Variants in FER observed in about 807,000 individuals in gnomAD.
FER encodes FER tyrosine kinase, also known as tyrosine-protein kinase Fer.
A neutral mutation model predicts 111.0 loss-of-function variants in FER; 63 were observed. That is an observed-to-expected ratio of 0.57 (90% CI 0.46 to 0.70). The LOEUF (loss-of-function observed/expected upper bound fraction) is 0.70, where lower values mean the gene tolerates loss of function less well. Ranked by LOEUF, FER falls within the 30% of genes least tolerant of loss-of-function variation. The probability of loss-of-function intolerance (pLI) is 0.00; values close to 1 mark genes in which losing one functional copy is unlikely to be tolerated. For synonymous variants in FER, 327 were observed against 313.9 expected (o/e 1.04, Z -0.44); for missense variants, 914 against 954.0 (o/e 0.96, Z 0.55).
intron 13 of FER, among the ~76,000 whole-genome samples, chr5:109,003,768 C>G (rs928728997): frequency 1.1e-4 from 16 of 151,962 alleles, no homozygotes; most frequent in African/African-American, 2.9e-4. Context: ...TTGCTTGGAC[C>G]TAGAATTTCA....
At chr5:108,842,845 T>C (rs1244404627) in intron 5 of FER, 1 of 152,174 alleles carries the variant, frequency 6.6e-6, no homozygotes, top group Non-Finnish European at 1.5e-5. Context: ...AGAGTGGAGA[T>C]TCCTTTAAGA....
intron 10 of FER, among the ~76,000 whole-genome samples, chr5:108,930,891 C>G (rs72793920): frequency 0.12 from 18,949 of 151,686 alleles, 1,243 homozygotes; most frequent in Middle Eastern, 0.17. Flanking sequence ...TGAGATCACA[C>G]GCGTGAGCCA....
Position 108,835,582 on chromosome 5 carries a change from A to G in FER, c.382-126A>G, listed in dbSNP as rs147504438. On this transcript the variant is annotated intron_variant, in intron 4 of 19. Transcript: ENST00000281092. ...CTTGTAGTTTATTTTCTATAGTTGT[A>G]TATTAAAGGACAACTCTGACCTGTA... 2.9e-3 allele frequency: 1,469 copies of G among 514,658 alleles called. 20 individuals are homozygous for G. Among genetic ancestry groups the G allele is most frequent in the African/African-American group, 0.026 (1,291 of 49,476 alleles). The allele number at this position is 514,658 out of a possible 1,614,324, so 31.9% of individuals were successfully genotyped here. A position where few individuals can be genotyped will look rare whatever the true frequency, so the allele number is the denominator to read the frequency against.
intron 13 of FER, among the ~76,000 whole-genome samples, chr5:108,991,990 G>A (rs1231298342): frequency 1.3e-5 from 2 of 152,068 alleles, no homozygotes; most frequent in African/African-American, 4.8e-5. Context: ...AGTGAACAAA[G>A]GTCTCTGGTT....
At chr5:109,091,987 C>T (rs1207309941) in intron 16 of FER, among the ~76,000 whole-genome samples, 1 of 151,684 alleles carries the variant, frequency 6.6e-6, no homozygotes, top group African/African-American at 2.4e-5. Flanking sequence ...TCCTTTTTTG[C>T]CCTTCTATCC....
chr5:109,112,782 A>T (rs1749779031), intron 17 of FER, among the ~76,000 whole-genome samples: 1 of 152,242 alleles, frequency 6.6e-6, no homozygotes, highest in South Asian at 2.1e-4. Context: ...AACATTTGAA[A>T]ACTGCTTAAA....
intron 5 of FER, among the ~76,000 whole-genome samples, chr5:108,852,486 G>A (rs72791993): frequency 0.019 from 2,900 of 152,080 alleles, 54 homozygotes; most frequent in Non-Finnish European, 0.027. Context: ...TTCAATATCT[G>A]TATATTTTGG....
intron 5 of FER, among the ~76,000 whole-genome samples, chr5:108,866,311 C>A (rs1023492112): frequency 2.0e-5 from 3 of 152,162 alleles, no homozygotes; most frequent in Admixed American, 1.3e-4. Flanking sequence ...TGGAAACCAT[C>A]ATTCTCAGCA....
At position 108,835,675 on chromosome 5, in the gene FER, T is replaced by A. The variant is rs372296312; in HGVS notation, c.382-33T>A. 4.5e-6 allele frequency: 6 copies of A among 1,346,272 alleles called. No homozygotes were observed. In the African/African-American group the frequency reaches 8.9e-5, roughly 20 times the overall value. 83.4% of individuals were successfully genotyped at this position (1,346,272 alleles called of 1,614,324 possible). A position where few individuals can be genotyped will look rare whatever the true frequency, so the allele number is the denominator to read the frequency against. ...CTTGAGCAATTTAAATTTAAACAAT[T>A]TAATACATTTATGCATTTTGTTTCT... On this transcript the variant is annotated intron_variant, in intron 4 of 19. Coordinates refer to ENST00000281092, the MANE Select transcript of FER (RefSeq NM_005246.4).
At chr5:109,156,436 A>G (rs2126715860) in intron 17 of FER, among the ~76,000 whole-genome samples, 1 of 152,194 alleles carries the variant, frequency 6.6e-6, no homozygotes, top group South Asian at 2.1e-4. Context: ...AATTTTAGGT[A>G]GCTGTAGGAT....
intron 17 of FER, among the ~76,000 whole-genome samples, chr5:109,177,016 A>G: frequency 6.6e-6 from 1 of 152,230 alleles, no homozygotes; most frequent in East Asian, 1.9e-4. Flanking sequence ...AATGAGTCAA[A>G]TGAAACTGGC....
intron 17 of FER, among the ~76,000 whole-genome samples, chr5:109,132,598 C>G (rs1044382059): frequency 2.0e-5 from 3 of 152,062 alleles, no homozygotes; most frequent in Non-Finnish European, 4.4e-5. Flanking sequence ...ACCATCAGGC[C>G]AAAATCTAAT....
At chr5:109,004,219 T>C (rs1352654259) in intron 13 of FER, among the ~76,000 whole-genome samples, 1 of 152,172 alleles carries the variant, frequency 6.6e-6, no homozygotes, top group Non-Finnish European at 1.5e-5. Flanking sequence ...AACATTTATG[T>C]CCTCAGTTTC....
At chr5:109,020,688 G>T (rs1170757911) in intron 13 of FER, among the ~76,000 whole-genome samples, 1 of 151,942 alleles carries the variant, frequency 6.6e-6, no homozygotes, top group African/African-American at 2.4e-5. Flanking sequence ...CACACACTTC[G>T]CGGCCGAGCT....
intron 2 of FER, among the ~76,000 whole-genome samples, chr5:108,782,160 T>C (rs1007533793): frequency 4.6e-5 from 7 of 152,224 alleles, no homozygotes; most frequent in Non-Finnish European, 1.0e-4. Context: ...CAGTCACCTG[T>C]TCCTCCAGTT....
chr5:109,025,862 A>T (rs1482629658), intron 13 of FER, among the ~76,000 whole-genome samples: 1 of 152,134 alleles, frequency 6.6e-6, no homozygotes, highest in Non-Finnish European at 1.5e-5. Context: ...GGCCTTTTTG[A>T]ACGTACATAT....
At chr5:109,106,309 A>G (rs1469280945) in intron 17 of FER, among the ~76,000 whole-genome samples, 1 of 152,150 alleles carries the variant, frequency 6.6e-6, no homozygotes, top group Admixed American at 6.5e-5. Context: ...GCTGAAATGC[A>G]GGAGCATTTT....
chr5:109,101,883 G>C (rs1046984851), intron 17 of FER, among the ~76,000 whole-genome samples: 1 of 152,030 alleles, frequency 6.6e-6, no homozygotes, highest in Non-Finnish European at 1.5e-5. Context: ...AATTCTCTCT[G>C]GTAATTACTC....
intron 14 of FER, among the ~76,000 whole-genome samples, chr5:109,042,749 A>G (rs1561815916): frequency 1.3e-5 from 2 of 152,154 alleles, no homozygotes; most frequent in Non-Finnish European, 2.9e-5. Context: ...TTTAAAGACG[A>G]AGTATCAGCT....
Sources: allele counts gnomAD v4.1 joint callset (sites outside exome capture counted in the v4.1 genomes callset), GRCh38; gene constraint gnomAD v4.1.1; transcripts MANE v1.5; gene names NCBI Gene and HGNC (gene_info 2026-07-23, HGNC 2026-07-21).